CHODL: variants seen among roughly 807,000 people sequenced by gnomAD.
CHODL encodes transmembrane protein MT75.
Under a neutral mutation model 34.5 loss-of-function variants are expected in CHODL, and 29 were observed. The observed-to-expected ratio is 0.84, with a 90% CI of 0.63 to 1.15. The LOEUF is 1.15. Among genes scored for constraint, CHODL ranks in the 50% most tolerant of loss-of-function variants. CHODL has a pLI of 0.00. For synonymous variants in CHODL, 125 were observed against 116.1 expected (o/e 1.08, Z -0.49); for missense variants, 332 against 332.5 (o/e 1.00, Z 0.01).
At chr21:18,026,448 T>A (rs141088572) in intron 1 of CHODL, among the ~76,000 whole-genome samples, 1 of 652 alleles carries the variant, frequency 1.5e-3, no homozygotes, top group Non-Finnish European at 3.4e-3. Context: ...TCGACAAGCT[T>A]GGATCACTTT....
intron 1 of CHODL, among the ~76,000 whole-genome samples, chr21:17,962,032 C>A (rs1243112708): frequency 6.6e-6 from 1 of 152,118 alleles, no homozygotes; most frequent in Non-Finnish European, 1.5e-5. Flanking sequence ...TTTCCTTGTC[C>A]TGGGTAGATC....
intron 2 of CHODL, among the ~76,000 whole-genome samples, chr21:18,216,705 G>A (rs1213594508): frequency 1.3e-5 from 2 of 152,144 alleles, no homozygotes; most frequent in Non-Finnish European, 1.5e-5. Context: ...CACATGGCTG[G>A]GGAGGAATCA....
At chr21:18,033,451 T>A (rs1357750437) in intron 2 of CHODL, among the ~76,000 whole-genome samples, 4 of 152,082 alleles carry the variant, frequency 2.6e-5, no homozygotes, top group Non-Finnish European at 5.9e-5. Context: ...TATCAGAAAC[T>A]GATTCCTCCC....
At chr21:17,967,878 T>C (rs574080854) in intron 1 of CHODL, among the ~76,000 whole-genome samples, 24 of 152,326 alleles carry the variant, frequency 1.6e-4, no homozygotes, top group African/African-American at 5.8e-4. Context: ...GGCAGAATCA[T>C]GTCAGGACCA....
intron 2 of CHODL, among the ~76,000 whole-genome samples, chr21:18,210,617 G>A (rs201661447): frequency 1.3e-5 from 2 of 152,090 alleles, no homozygotes; most frequent in East Asian, 3.9e-4. Context: ...ATCTCCAGTA[G>A]ACCCATCCAG....
chr21:18,181,503 C>A (rs367918305), intron 2 of CHODL, among the ~76,000 whole-genome samples: 1 of 152,110 alleles, frequency 6.6e-6, no homozygotes, highest in African/African-American at 2.4e-5. Context: ...CCTGGGTTCC[C>A]GCCATTCTCC....
At chr21:18,178,562 T>C (rs2073343981) in intron 2 of CHODL, among the ~76,000 whole-genome samples, 2 of 152,214 alleles carry the variant, frequency 1.3e-5, no homozygotes, top group Non-Finnish European at 2.9e-5. Context: ...ATATTTTATC[T>C]GTTACATGTA....
chr21:18,185,097 A>G (rs771459017), intron 2 of CHODL, among the ~76,000 whole-genome samples: 1 of 152,108 alleles, frequency 6.6e-6, no homozygotes, highest in African/African-American at 2.4e-5. Context: ...ATAGGTATAC[A>G]CGTGCCATGG....
intron 2 of CHODL, among the ~76,000 whole-genome samples, chr21:18,197,627 A>C (rs117872773): frequency 0.052 from 7,928 of 152,248 alleles, 277 homozygotes; most frequent in South Asian, 0.078. Context: ...AAAACCAAAC[A>C]AAACAAAAAT....
chr21:17,957,665 A>G (rs2063502814), intron 1 of CHODL, among the ~76,000 whole-genome samples: 1 of 152,010 alleles, frequency 6.6e-6, no homozygotes, highest in African/African-American at 2.4e-5. Flanking sequence ...GATCCAAGAT[A>G]TTAAAAGAGA....
chr21:18,045,785 G>T (rs932564985), intron 2 of CHODL, among the ~76,000 whole-genome samples: 2 of 151,806 alleles, frequency 1.3e-5, no homozygotes, highest in Non-Finnish European at 2.9e-5. Context: ...TGACTAGAAG[G>T]AACTAGCTAG....
chr21:18,025,731 A>G (rs1210093691), intron 1 of CHODL, among the ~76,000 whole-genome samples: 2 of 152,034 alleles, frequency 1.3e-5, no homozygotes, highest in African/African-American at 4.8e-5. Flanking sequence ...GAAGGCTGCG[A>G]TCAAAGTGTA....
intron 3 of CHODL, among the ~76,000 whole-genome samples, chr21:18,259,369 G>A (rs1172855320): frequency 1.3e-5 from 2 of 152,016 alleles, no homozygotes; most frequent in Admixed American, 1.3e-4. Context: ...CAATTTTAAA[G>A]TGTGTAGCAA....
chr21:17,936,555 C>G (rs1424235817), intron 1 of CHODL, among the ~76,000 whole-genome samples: 2 of 151,228 alleles, frequency 1.3e-5, no homozygotes, highest in Non-Finnish European at 2.9e-5. Context: ...TGAAACAGAT[C>G]CAATGGAAAG....
intron 2 of CHODL, among the ~76,000 whole-genome samples, chr21:18,090,105 T>C (rs947859475): frequency 4.6e-5 from 7 of 152,210 alleles, no homozygotes; most frequent in Non-Finnish European, 1.0e-4. Flanking sequence ...ACTGACTAAT[T>C]ACAACTCTTG....
intron 1 of CHODL, among the ~76,000 whole-genome samples, chr21:17,953,810 G>C (rs1355605962): frequency 1.3e-5 from 2 of 152,122 alleles, no homozygotes; most frequent in Non-Finnish European, 2.9e-5. Flanking sequence ...AGGAGTCCAA[G>C]ACCAGCCTGA....
chr21:17,959,512 T>C (rs1164301892), intron 1 of CHODL, among the ~76,000 whole-genome samples: 1 of 152,192 alleles, frequency 6.6e-6, no homozygotes, highest in Non-Finnish European at 1.5e-5. Flanking sequence ...ATCATCAATA[T>C]TAACTTGAGA....
chr21:17,989,672 C>G (rs1304828411), intron 1 of CHODL, among the ~76,000 whole-genome samples: 1 of 152,142 alleles, frequency 6.6e-6, no homozygotes, highest in Non-Finnish European at 1.5e-5. Context: ...TAGAATCCAA[C>G]CCCAGAGATT....
At chr21:18,261,977 T>C (rs1041055838) in intron 4 of CHODL, among the ~76,000 whole-genome samples, 7 of 152,016 alleles carry the variant, frequency 4.6e-5, no homozygotes, top group African/African-American at 1.7e-4. Flanking sequence ...CTAAGCTTAT[T>C]GGCTAGGTAA....
Sources: gnomAD v4.1 joint callset for allele counts (sites outside exome capture counted in the v4.1 genomes callset) on GRCh38, gnomAD v4.1.1 for gene constraint, MANE v1.5 for transcripts, NCBI Gene and HGNC (gene_info 2026-07-23, HGNC 2026-07-21) for gene names.